Variants in TGM3 observed in about 807,000 individuals in gnomAD.
The protein encoded by TGM3 is transglutaminase 3.
In TGM3, 52 loss-of-function variants were observed where a neutral mutation model predicts 73.8. The ratio of observed to expected loss-of-function variants is 0.70; its 90% CI spans 0.56 to 0.89. The LOEUF is 0.89. TGM3 is among the 40% of genes least tolerant of loss of function. TGM3 has a pLI of 0.00. For synonymous variants in TGM3, 372 were observed against 354.9 expected, an observed-to-expected ratio of 1.05 and a Z score of -0.54; for missense variants, 928 against 909.9, an observed-to-expected ratio of 1.02 and a Z score of -0.26.
In TGM3 at chr20:2,335,267, C is replaced by A. The variant is rs761075728; in HGVS notation, c.1794C>A (p.Thr598=). The A allele has an allele frequency of 6.2e-6, 10 of 1,613,870 alleles. No individual in the cohort carries two copies. In the Admixed American group the frequency reaches 1.7e-4, roughly 27 times the overall value. ...TCATCCTGGACAACCCCACCTTGAC[C>A]CTGGAGGTAATGGGGCTCCCCATCC... is the stretch of plus-strand genomic sequence containing the variant. The part of the protein sequence containing the change: ...RDIILDNPTL[T]LEVLNEARVR... The change falls in exon 11 of 13, where the codon ACC becomes ACA. Residue 598 remains threonine (T), a synonymous_variant. Coordinates refer to ENST00000381458, the MANE Select transcript of TGM3 (RefSeq NM_003245.4).
chr20:2,302,657 G>T (rs1301605805), intron 1 of TGM3, among the ~76,000 whole-genome samples: 3 of 116,684 alleles, frequency 2.6e-5, no homozygotes, highest in Non-Finnish European at 5.1e-5. Flanking sequence ...CAGAATGGAA[G>T]AAGAGGAAGA....
At chr20:2,313,601 T>G (rs1182836636) in intron 5 of TGM3, among the ~76,000 whole-genome samples, 2 of 152,156 alleles carry the variant, frequency 1.3e-5, no homozygotes, top group African/African-American at 4.8e-5. Flanking sequence ...GGAAAAGGCC[T>G]GTGCCCCTAC....
intron 1 of TGM3, among the ~76,000 whole-genome samples, chr20:2,304,854 G>A (rs927262141): frequency 6.6e-6 from 1 of 152,186 alleles, no homozygotes; most frequent in Non-Finnish European, 1.5e-5. Context: ...TGCTTCAGAA[G>A]TTGTCACCTG....
intron 1 of TGM3, among the ~76,000 whole-genome samples, chr20:2,309,083 T>G (rs917064205): frequency 6.6e-6 from 1 of 152,208 alleles, no homozygotes; most frequent in Admixed American, 6.5e-5. Context: ...TTCACCATGT[T>G]GGCCAGTCTG....
At chr20:2,326,038 C>T (rs1308305403) in intron 8 of TGM3, 86 bp downstream of exon 8, 11 of 1,280,048 alleles carry the variant, frequency 8.6e-6, no homozygotes, top group Admixed American at 6.1e-5. Flanking sequence ...AACTCCAAAG[C>T]CCTCTCCCTC....
At position 2,334,875 on chromosome 20, in the gene TGM3, C is replaced by T. The variant is rs900286273; in HGVS notation, c.1643-241C>T. Reference sequence around the variant, plus strand: ...AGCGGTATCTTTAGCCCCTGTGAGCCCATCCTCCTGGGAATCTGCCCAGCC... The same window carrying T: ...AGCGGTATCTTTAGCCCCTGTGAGCTCATCCTCCTGGGAATCTGCCCAGCC... On this transcript the variant is annotated intron_variant, in intron 10 of 12. Coordinates refer to ENST00000381458, the MANE Select transcript of TGM3 (RefSeq NM_003245.4). This position sits in a 1 kb window ranked among gnomAD's most constrained non-coding sequence, Gnocchi z 4.0. Among the ~76,000 whole-genome samples the T allele has an allele frequency of 5.3e-5, 8 of 152,230 alleles. No homozygotes were observed. Among genetic ancestry groups the T allele is most frequent in the South Asian group, 2.1e-4 (1 of 4,832 alleles).
intron 1 of TGM3, among the ~76,000 whole-genome samples, chr20:2,307,825 CATG>C (rs1252663948): frequency 1.2e-4 from 18 of 152,286 alleles, no homozygotes; most frequent in Non-Finnish European, 1.0e-4. Context: ...ATGGTCATCG[CATG>C]ATATTAGTCT....
At chr20:2,309,069 G>C (rs1408032540) in intron 1 of TGM3, among the ~76,000 whole-genome samples, 1 of 152,112 alleles carries the variant, frequency 6.6e-6, no homozygotes, top group African/African-American at 2.4e-5. Flanking sequence ...AGTAGAGATG[G>C]GGTTTCACCA....
rs968125621 is a variant in TGM3, at chr20:2,334,106, G to A, written c.1643-1010G>A. ...CCCATCAGGGTAGGGAAAGGGCCCCGCGGCCCACAGGGTCAGAAGAGAGGA... is the reference window on the plus strand; with the variant it reads ...CCCATCAGGGTAGGGAAAGGGCCCCACGGCCCACAGGGTCAGAAGAGAGGA... On this transcript the variant is annotated intron_variant, in intron 10 of 12. Coordinates refer to ENST00000381458, the MANE Select transcript of TGM3 (RefSeq NM_003245.4). This position sits in a 1 kb window ranked among gnomAD's most constrained non-coding sequence, Gnocchi z 4.0. 2.0e-5 allele frequency among the ~76,000 whole-genome samples: 3 copies of A among 152,134 alleles called. No homozygotes were observed. Among genetic ancestry groups the A allele is most frequent in the Non-Finnish European group, 4.4e-5 (3 of 68,020 alleles).
chr20:2,299,156 C>A (rs2084128206), intron 1 of TGM3, among the ~76,000 whole-genome samples: 1 of 152,106 alleles, frequency 6.6e-6, no homozygotes, highest in Non-Finnish European at 1.5e-5. Context: ...TTGTGTGTCT[C>A]AGTTTCCTCA....
chr20:2,307,351 A>AC (rs1265465921), intron 1 of TGM3, among the ~76,000 whole-genome samples: 6 of 150,870 alleles, frequency 4.0e-5, no homozygotes, highest in Non-Finnish European at 5.9e-5. Context: ...TCCTGCCCCA[A>AC]CCCCCACTCT....
chr20:2,333,931 A>G (rs924093513), intron 10 of TGM3, among the ~76,000 whole-genome samples: 2 of 152,106 alleles, frequency 1.3e-5, no homozygotes, highest in African/African-American at 2.4e-5. Flanking sequence ...TCCTCTCCAC[A>G]TTTGGGGCAG....
At chr20:2,309,249 G>A (rs1568623633) in intron 1 of TGM3, among the ~76,000 whole-genome samples, 1 of 152,180 alleles carries the variant, frequency 6.6e-6, no homozygotes, top group South Asian at 2.1e-4. Flanking sequence ...CAGAACGTAG[G>A]TGCTCTGGTG....
At chr20:2,318,668 C>T (rs988648552) in intron 7 of TGM3, among the ~76,000 whole-genome samples, 2 of 152,130 alleles carry the variant, frequency 1.3e-5, no homozygotes, top group East Asian at 1.9e-4. Context: ...CACATAATTG[C>T]TCACATGCAT....
chr20:2,322,591 T>A (rs1185317667), intron 7 of TGM3, among the ~76,000 whole-genome samples: 3 of 152,342 alleles, frequency 2.0e-5, no homozygotes, highest in South Asian at 2.1e-4. Context: ...CCTGTTTCCC[T>A]TTTTTAACCC....
At chr20:2,325,224 G>A (rs2084279697) in intron 7 of TGM3, among the ~76,000 whole-genome samples, 1 of 152,190 alleles carries the variant, frequency 6.6e-6, no homozygotes, top group Non-Finnish European at 1.5e-5. Flanking sequence ...CAGAATTGGG[G>A]GACAGAATGA....
Position 2,328,056 on chromosome 20 carries a change from G to A in TGM3, c.1088-64G>A. ...TTGCAGTGGTCCTGGAAGGCCCTGGGGAATCGGGCACTGGGTAGGTTGTGG... is the reference window on the plus strand; with the variant it reads ...TTGCAGTGGTCCTGGAAGGCCCTGGAGAATCGGGCACTGGGTAGGTTGTGG... On this transcript the variant is annotated intron_variant, in intron 8 of 12. Coordinates refer to ENST00000381458, the MANE Select transcript of TGM3 (RefSeq NM_003245.4). This position sits in a 1 kb window ranked among gnomAD's most constrained non-coding sequence, Gnocchi z 5.2. 1 of 1,602,734 alleles carries A rather than the reference G, an allele frequency of 6.2e-7. No individual in the cohort carries two copies. Among genetic ancestry groups the A allele is most frequent in the Admixed American group, 1.7e-5 (1 of 59,606 alleles).
intron 7 of TGM3, among the ~76,000 whole-genome samples, chr20:2,324,041 T>C (rs1305731833): frequency 6.6e-6 from 1 of 152,240 alleles, no homozygotes; most frequent in African/African-American, 2.4e-5. Flanking sequence ...TTTTCTCTGC[T>C]TTATTGATTT....
chr20:2,323,997 A>G (rs543848245), intron 7 of TGM3, among the ~76,000 whole-genome samples: 1 of 152,324 alleles, frequency 6.6e-6, no homozygotes, highest in Non-Finnish European at 1.5e-5. Flanking sequence ...ATATTGATAC[A>G]GTAAATCTCT....
Sources: gnomAD v4.1 joint callset for allele counts (sites outside exome capture counted in the v4.1 genomes callset) on GRCh38, gnomAD v4.1.1 for gene constraint, Gnocchi (gnomAD v3.1) non-coding constraint, MANE v1.5 for transcripts, NCBI Gene and HGNC (gene_info 2026-07-23, HGNC 2026-07-21) for gene names.